The following SDHAF2 variants were observed in gnomAD, a reference collection of about 807,000 sequenced individuals.
The protein encoded by SDHAF2 is succinate dehydrogenase complex assembly factor 2.
Under a neutral mutation model 18.5 loss-of-function variants are expected in SDHAF2, and 21 were observed. The observed-to-expected ratio is 1.13, with a 90% CI of 0.80 to 1.63. SDHAF2 has a LOEUF of 1.63. Among genes scored for constraint, SDHAF2 ranks in the 40% most tolerant of loss-of-function variants. The probability of loss-of-function intolerance (pLI) is 0.00; values close to 1 mark genes in which losing one functional copy is unlikely to be tolerated. For synonymous variants in SDHAF2, 84 were observed against 70.7 expected (o/e 1.19, Z -0.94); for missense variants, 195 against 200.3 (o/e 0.97, Z 0.16).
chr11:61,440,801 A>G (rs1862057090), intron 3 of SDHAF2, among the ~76,000 whole-genome samples: 2 of 152,196 alleles, frequency 1.3e-5, no homozygotes, highest in Admixed American at 6.5e-5. Flanking sequence ...GTAAACGAAT[A>G]TGATTGTGTT....
chr11:61,446,216 C>T lies in SDHAF2; in HGVS notation c.*145C>T. ...TGCCTCAAGTGATGGACATAACCCT[C>T]TCCTAGGACATACATGTAAATGCAC... On this transcript the variant is annotated 3_prime_UTR_variant, in exon 4 of 4. Coordinates refer to ENST00000301761, the MANE Select transcript of SDHAF2 (RefSeq NM_017841.4). 2.4e-6 allele frequency: 2 copies of T among 844,906 alleles called. No individual in the cohort carries two copies. The highest frequency in any genetic ancestry group is 4.0e-6 in the Non-Finnish European group (2 of 499,816). 52.3% of individuals were successfully genotyped at this position (844,906 alleles called of 1,614,324 possible).
intron 3 of SDHAF2, among the ~76,000 whole-genome samples, chr11:61,441,414 G>A (rs771190569): frequency 2.0e-5 from 3 of 151,848 alleles, no homozygotes; most frequent in South Asian, 4.2e-4. Flanking sequence ...TCAGCTACTT[G>A]GGAGGCTGGG....
intron 1 of SDHAF2, 107 bp from the exon 2 acceptor site, chr11:61,437,518 C>T: frequency 2.9e-6 from 3 of 1,029,496 alleles, no homozygotes; most frequent in Admixed American, 1.7e-5. Flanking sequence ...GTAATTTCCT[C>T]ATGACTAAAT....
At chr11:61,444,159 C>T (rs1216011842) in intron 3 of SDHAF2, 3 of 152,396 alleles carry the variant, frequency 2.0e-5, no homozygotes, top group East Asian at 3.8e-4. Context: ...GCCTGCAGTC[C>T]CAGCTGCCCT....
At chr11:61,437,510 A>G in intron 1 of SDHAF2, 115 bp from the exon 2 acceptor site, 1 of 970,496 alleles carries the variant, frequency 1.0e-6, no homozygotes, top group Non-Finnish European at 1.7e-6. Flanking sequence ...CCAGCAGTGT[A>G]ATTTCCTCAT....
chr11:61,440,265 A>C (rs1256215915), intron 3 of SDHAF2, among the ~76,000 whole-genome samples: 2 of 152,142 alleles, frequency 1.3e-5, no homozygotes, highest in Non-Finnish European at 2.9e-5. Context: ...AGATCACGCC[A>C]CTGTGCTCCA....
In SDHAF2 at chr11:61,436,862, C is replaced by G. The variant is rs955518470; in HGVS notation, c.37-763C>G. The G allele has an allele frequency of 7.8e-6, 10 of 1,287,834 alleles. No homozygotes were observed. The African/African-American group carries it at 1.1e-4, about 14-fold the overall frequency. 79.8% of individuals were successfully genotyped at this position (1,287,834 alleles called of 1,614,324 possible). A position where few individuals can be genotyped will look rare whatever the true frequency, so the allele number is the denominator to read the frequency against. The stretch of plus-strand genomic sequence containing the variant: ...CTTCACCTCTTGCTGAGGTCACCAC[C>G]TTGACATCATATCTTGATAAGTTGT... On this transcript the variant is annotated intron_variant, in intron 1 of 3. Transcript: ENST00000301761.
intron 3 of SDHAF2, among the ~76,000 whole-genome samples, chr11:61,444,594 T>G (rs1862113782): frequency 6.6e-6 from 1 of 151,612 alleles, no homozygotes; most frequent in South Asian, 2.1e-4. Context: ...TTACAAAAAA[T>G]CAGCCGAGCG....
rs557312727 is a variant in SDHAF2, at chr11:61,430,319, A to G, written c.36+137A>G. The G allele has an allele frequency of 3.3e-5, 34 of 1,024,020 alleles. No homozygotes were observed. The Admixed American group carries it at 5.3e-4, about 16-fold the overall frequency. The allele number at this position is 1,024,020 out of a possible 1,614,324, so 63.4% of individuals were successfully genotyped here. A position where few individuals can be genotyped will look rare whatever the true frequency, so the allele number is the denominator to read the frequency against. On this transcript the variant is annotated intron_variant, in intron 1 of 3. Coordinates refer to ENST00000301761, the MANE Select transcript of SDHAF2 (RefSeq NM_017841.4). The stretch of plus-strand genomic sequence containing the variant: ...CAAGGGCAGGCCCAGGGAGAGGCCG[A>G]TCCTGCAACTCAGGAAATAAAGGTC...
Position 61,443,071 on chromosome 11 carries a change from G to A in SDHAF2, c.371-2870G>A, listed in dbSNP as rs117896628. Among the ~76,000 whole-genome samples the A allele has an allele frequency of 5.8e-3, 883 of 152,234 alleles. 4 individuals carry two copies. Among genetic ancestry groups the A allele is most frequent in the Non-Finnish European group, 9.5e-3 (647 of 68,012 alleles). The stretch of plus-strand genomic sequence containing the variant: ...TGCTCAGTCTGTCCAACAGCTTTTG[G>A]GTTCTCTGTTTTGTGTTTTTTATTC... On this transcript the variant is annotated intron_variant, in intron 3 of 3. Transcript: ENST00000301761.
chr11:61,446,271 C>A lies in SDHAF2; in HGVS notation c.*200C>A. 1 of 648,616 alleles carries A rather than the reference C, an allele frequency of 1.5e-6. No individual in the cohort carries two copies. Among genetic ancestry groups the A allele is most frequent in the Non-Finnish European group, 2.7e-6 (1 of 366,628 alleles). 40.2% of individuals were successfully genotyped at this position (648,616 alleles called of 1,614,324 possible). A position where few individuals can be genotyped will look rare whatever the true frequency, so the allele number is the denominator to read the frequency against. ...TGACTCATTCTCATACTTTTTTGTT[C>A]AGCTCTGAGCCTCAAAAGTGATTTG... On this transcript the variant is annotated 3_prime_UTR_variant, in exon 4 of 4. Coordinates refer to ENST00000301761, the MANE Select transcript of SDHAF2 (RefSeq NM_017841.4).
At chr11:61,440,261 C>T (rs1241624511) in intron 3 of SDHAF2, among the ~76,000 whole-genome samples, 4 of 151,660 alleles carry the variant, frequency 2.6e-5, no homozygotes, top group South Asian at 2.1e-4. Context: ...GCCAAGATCA[C>T]GCCACTGTGC....
intron 3 of SDHAF2, among the ~76,000 whole-genome samples, chr11:61,438,531 A>T (rs117260192): frequency 6.6e-6 from 1 of 152,246 alleles, no homozygotes; most frequent in East Asian, 1.9e-4. Flanking sequence ...TGAAGTAGAC[A>T]CTCAACCCAA....
At chr11:61,437,337 A>G (rs1439728552) in intron 1 of SDHAF2, among the ~76,000 whole-genome samples, 3 of 152,080 alleles carry the variant, frequency 2.0e-5, no homozygotes, top group Admixed American at 6.6e-5. Context: ...CACAGGCACC[A>G]TGGTGGGACT....
intron 3 of SDHAF2, among the ~76,000 whole-genome samples, chr11:61,442,545 TTATA>T (rs1862081027): frequency 6.6e-6 from 1 of 152,258 alleles, no homozygotes; most frequent in Non-Finnish European, 1.5e-5. Context: ...TATTTGATAT[TTATA>T]TATGTAGGCA....
chr11:61,440,907 A>C (rs1219940552), intron 3 of SDHAF2, among the ~76,000 whole-genome samples: 1 of 152,164 alleles, frequency 6.6e-6, no homozygotes, highest in African/African-American at 2.4e-5. Flanking sequence ...CCAACCATTA[A>C]AAAATCATTC....
Position 61,444,670 on chromosome 11 carries a change from G to A in SDHAF2, c.371-1271G>A, listed in dbSNP as rs180784979. 3.4e-3 allele frequency among the ~76,000 whole-genome samples: 517 copies of A among 152,304 alleles called. 4 individuals are homozygous for A. The highest frequency in any genetic ancestry group is 6.8e-3 in the Middle Eastern group (2 of 294). ...AGGCGGGAGAATGGCGTGAGCCCAG[G>A]AGGTGGAGCTTGCAGTGAGTCCAGA... On this transcript the variant is annotated intron_variant, in intron 3 of 3. Transcript: ENST00000301761.
At chr11:61,442,485 A>G (rs1054383330) in intron 3 of SDHAF2, among the ~76,000 whole-genome samples, 1 of 151,996 alleles carries the variant, frequency 6.6e-6, no homozygotes, top group Non-Finnish European at 1.5e-5. Context: ...AATCTTTTCA[A>G]TATTTTGTCT....
At chr11:61,436,873 A>G (rs982988781) in intron 1 of SDHAF2, 1 of 1,288,674 alleles carries the variant, frequency 7.8e-7, no homozygotes, top group Non-Finnish European at 1.0e-6. Context: ...TTGACATCAT[A>G]TCTTGATAAG....
Sources: gnomAD v4.1 joint callset for allele counts (sites outside exome capture counted in the v4.1 genomes callset) on GRCh38, gnomAD v4.1.1 for gene constraint, MANE v1.5 for transcripts, NCBI Gene and HGNC (gene_info 2026-07-23, HGNC 2026-07-21) for gene names.